PTPRT: variants seen among roughly 807,000 people sequenced by gnomAD.
PTPRT encodes receptor-type tyrosine-protein phosphatase T.
PTPRT carries 56 observed loss-of-function variants against 176.8 expected under a neutral mutation model. The observed-to-expected ratio is 0.32, with a 90% CI of 0.26 to 0.40. PTPRT has a LOEUF of 0.40. PTPRT is among the 10% of genes least tolerant of loss of function. The pLI is 1.00. For missense variants in PTPRT, 1,540 were observed against 1,908.2 expected (o/e 0.81, Z 3.60); for synonymous variants, 783 against 739.0 (o/e 1.06, Z -0.96).
At chr20:42,217,461 TG>T (rs1260874875) in intron 15 of PTPRT, among the ~76,000 whole-genome samples, 1 of 150,578 alleles carries the variant, frequency 6.6e-6, no homozygotes, top group Non-Finnish European at 1.5e-5. Context: ...ACCCCAAAAC[TG>T]TAGATGGGCA....
intron 1 of PTPRT, among the ~76,000 whole-genome samples, chr20:43,085,508 G>A (rs1417411089): frequency 2.0e-5 from 3 of 152,180 alleles, no homozygotes; most frequent in Non-Finnish European, 4.4e-5. Flanking sequence ...ACATACCCGA[G>A]ACTGGGAAAT....
In PTPRT at chr20:42,350,744, A is replaced by G; in HGVS notation, c.1763-14T>C. On this transcript the variant is annotated splice_polypyrimidine_tract_variant and intron_variant, in intron 10 of 30. Transcript: ENST00000373187. ...GCATGGATGGAGCTGGACAGGAAAC[A>G]GAGAGTGCAGGTGAGTTCAGCACAG... is the stretch of plus-strand genomic sequence containing the variant. 6.3e-7 allele frequency: 1 copy of G among 1,586,054 alleles called. No homozygotes were observed. The highest frequency in any genetic ancestry group is 8.7e-7 in the Non-Finnish European group (1 of 1,154,776).
intron 11 of PTPRT, among the ~76,000 whole-genome samples, chr20:42,341,354 G>T (rs2058108425): frequency 6.6e-6 from 1 of 151,914 alleles, no homozygotes; most frequent in African/African-American, 2.4e-5. Flanking sequence ...TGTAGTCCTG[G>T]ATCAACTTGT....
chr20:42,420,788 A>AC (rs2059111388), intron 9 of PTPRT, among the ~76,000 whole-genome samples: 1 of 152,092 alleles, frequency 6.6e-6, no homozygotes, highest in Non-Finnish European at 1.5e-5. Context: ...TCTAGGACCA[A>AC]CCCCCGCCAA....
chr20:42,402,483 TAAAAAAAAAAA>T (rs3061921), intron 9 of PTPRT, among the ~76,000 whole-genome samples: 1 of 95,158 alleles, frequency 1.1e-5, no homozygotes, highest in African/African-American at 4.1e-5. Flanking sequence ...ATAGTGCAGT[TAAAAAAAAAAA>T]AAAAAAAAAA....
chr20:42,997,929 A>G (rs1984317068), intron 1 of PTPRT, among the ~76,000 whole-genome samples: 1 of 152,094 alleles, frequency 6.6e-6, no homozygotes, highest in Admixed American at 6.5e-5. Context: ...ACTGAGCTGG[A>G]AGGCTGGAGT....
intron 27 of PTPRT, among the ~76,000 whole-genome samples, chr20:42,093,460 T>G (rs373229750): frequency 0.019 from 1,726 of 90,682 alleles, 33 homozygotes; most frequent in African/African-American, 0.086. Context: ...CAGCAACCAC[T>G]GCAGGAATGA....
intron 1 of PTPRT, among the ~76,000 whole-genome samples, chr20:43,130,382 GAA>G (rs980370147): frequency 3.6e-4 from 55 of 152,110 alleles, no homozygotes; most frequent in African/African-American, 1.3e-3. Flanking sequence ...GAAATAAAAA[GAA>G]GCCAATATTT....
chr20:42,982,616 G>A (rs1425971175), intron 1 of PTPRT, among the ~76,000 whole-genome samples: 1 of 152,230 alleles, frequency 6.6e-6, no homozygotes, highest in Non-Finnish European at 1.5e-5. Flanking sequence ...GGTGACCAGT[G>A]TAGATGGATC....
rs117139605 is a variant in PTPRT at position 42,593,796 on chromosome 20, T to C, written c.1153+84070A>G. ...TGTTTCCTAATCTGTGGGATAAAGA[T>C]AGATCAAACACCACTTTGCATTTTT... On this transcript the variant is annotated intron_variant, in intron 7 of 30. Coordinates refer to ENST00000373187, the MANE Select transcript of PTPRT (RefSeq NM_007050.6). 6.7e-3 allele frequency among the ~76,000 whole-genome samples: 1,014 copies of C among 152,322 alleles called. 5 individuals are homozygous for C. Among genetic ancestry groups the C allele is most frequent in the Non-Finnish European group, 0.011 (741 of 68,014 alleles).
At chr20:42,099,221 T>A (rs1264111601) in intron 26 of PTPRT, among the ~76,000 whole-genome samples, 1 of 151,490 alleles carries the variant, frequency 6.6e-6, no homozygotes, top group African/African-American at 2.4e-5. Flanking sequence ...GTAGAGTGCT[T>A]TTTTTTTGGC....
At chr20:42,862,044 A>G (rs1232038480) in intron 2 of PTPRT, among the ~76,000 whole-genome samples, 2 of 152,182 alleles carry the variant, frequency 1.3e-5, no homozygotes, top group African/African-American at 4.8e-5. Context: ...ACACACGCAC[A>G]CACACACACA....
At chr20:42,340,233 C>T (rs926582097) in intron 11 of PTPRT, among the ~76,000 whole-genome samples, 2 of 152,122 alleles carry the variant, frequency 1.3e-5, no homozygotes, top group South Asian at 4.1e-4. Context: ...ATGATAGTTA[C>T]TGTATTGGAC....
chr20:43,150,568 T>C (rs909219617), intron 1 of PTPRT, among the ~76,000 whole-genome samples: 4 of 151,576 alleles, frequency 2.6e-5, no homozygotes, highest in Admixed American at 2.6e-4. Flanking sequence ...GTGATTCTCG[T>C]GCTTCAGCCT....
intron 16 of PTPRT, among the ~76,000 whole-genome samples, chr20:42,191,036 AAC>A (rs1990982185): frequency 6.6e-6 from 1 of 152,230 alleles, no homozygotes; most frequent in African/African-American, 2.4e-5. Context: ...TACAATATAA[AAC>A]ACTCAGCACG....
intron 7 of PTPRT, among the ~76,000 whole-genome samples, chr20:42,543,034 G>T (rs2072611188): frequency 6.6e-6 from 1 of 152,098 alleles, no homozygotes; most frequent in African/African-American, 2.4e-5. Flanking sequence ...TTTGTTGGTG[G>T]AGGGTCTTGT....
the PTPRT span, among the ~76,000 whole-genome samples, chr20:42,033,929 C>T: frequency 1.3e-5 from 2 of 152,122 alleles, no homozygotes; most frequent in Non-Finnish European, 2.9e-5. Context: ...TGAATAAGTC[C>T]TAATTATGGT....
intron 7 of PTPRT, among the ~76,000 whole-genome samples, chr20:42,555,547 A>C (rs2072846300): frequency 6.6e-6 from 1 of 152,148 alleles, no homozygotes; most frequent in Non-Finnish European, 1.5e-5. Context: ...AGGATGTGTT[A>C]TTGTTCAATA....
the PTPRT span, among the ~76,000 whole-genome samples, chr20:42,049,511 A>T: frequency 3.9e-5 from 6 of 152,182 alleles, no homozygotes; most frequent in Non-Finnish European, 8.8e-5. Context: ...ACCTGGAACT[A>T]CTCCTATAAA....
Sources: allele counts gnomAD v4.1 joint callset (sites outside exome capture counted in the v4.1 genomes callset), GRCh38; gene constraint gnomAD v4.1.1; transcripts MANE v1.5; gene names NCBI Gene and HGNC (gene_info 2026-07-23, HGNC 2026-07-21).